Variants in C12orf42 observed in about 807,000 individuals in gnomAD.
C12orf42 encodes uncharacterized protein C12orf42.
In C12orf42, 25 loss-of-function variants were observed where a neutral mutation model predicts 21.6. That is an observed-to-expected ratio of 1.16 (90% CI 0.84 to 1.62). The LOEUF (loss-of-function observed/expected upper bound fraction) is 1.62, where lower values mean the gene tolerates loss of function less well. C12orf42 is among the 40% of genes most tolerant of loss of function. The probability of loss-of-function intolerance (pLI) is 0.00; values close to 1 mark genes in which losing one functional copy is unlikely to be tolerated. For missense variants in C12orf42, 483 were observed against 459.3 expected (o/e 1.05, Z -0.47); for synonymous variants, 174 against 175.0 (o/e 0.99, Z 0.05).
chr12:103,077,418 A>G, the C12orf42 span, among the ~76,000 whole-genome samples: 2 of 152,238 alleles, frequency 1.3e-5, no homozygotes, highest in Non-Finnish European at 2.9e-5. Context: ...ATTCTTCTAA[A>G]GACTTTATGC....
intron 4 of C12orf42, among the ~76,000 whole-genome samples, chr12:103,283,244 C>T (rs2036240961): frequency 6.6e-6 from 1 of 152,180 alleles, no homozygotes; most frequent in Non-Finnish European, 1.5e-5. Context: ...CCAGAGAACA[C>T]CAAAGTCAGT....
intron 2 of C12orf42, among the ~76,000 whole-genome samples, chr12:103,470,887 A>G (rs4506750): frequency 0.82 from 124,059 of 152,082 alleles, 50,714 homozygotes; most frequent in Admixed American, 0.87. Context: ...AGATCATTCC[A>G]GTCCCCAGCC....
the C12orf42 span, among the ~76,000 whole-genome samples, chr12:103,194,567 G>A: frequency 1.3e-5 from 2 of 151,928 alleles, no homozygotes; most frequent in African/African-American, 4.8e-5. Context: ...TTTCATTTAC[G>A]ATAGCATCAA....
At chr12:103,541,317 A>G in the C12orf42 span, among the ~76,000 whole-genome samples, 2 of 152,226 alleles carry the variant, frequency 1.3e-5, no homozygotes, top group Non-Finnish European at 2.9e-5. Flanking sequence ...AGTTGTCTTT[A>G]TCTCAAATTA....
the C12orf42 span, among the ~76,000 whole-genome samples, chr12:103,546,638 G>A: frequency 1.3e-5 from 2 of 152,170 alleles, no homozygotes; most frequent in East Asian, 1.9e-4. Context: ...AATGAAAGAC[G>A]TTGAAGCTTG....
the C12orf42 span, among the ~76,000 whole-genome samples, chr12:103,067,888 G>A: frequency 1.3e-5 from 2 of 152,158 alleles, no homozygotes; most frequent in Non-Finnish European, 2.9e-5. Context: ...CACAACAGAG[G>A]CAAGGAAAAG....
intron 5 of C12orf42, chr12:103,270,384 G>C (rs1215683539): frequency 6.7e-6 from 1 of 149,708 alleles, no homozygotes; most frequent in Non-Finnish European, 1.5e-5. Flanking sequence ...AAGGAAGGGA[G>C]GGAGGGAGGG....
chr12:103,164,450 C>T, the C12orf42 span: 1 of 455,862 alleles, frequency 2.2e-6, no homozygotes, highest in Non-Finnish European at 4.4e-6. Context: ...AAGTTCTGAG[C>T]AAATAGGTGC....
intron 3 of C12orf42, among the ~76,000 whole-genome samples, chr12:103,385,226 A>T (rs2046505570): frequency 6.6e-6 from 1 of 152,226 alleles, no homozygotes; most frequent in Non-Finnish European, 1.5e-5. Context: ...AAAAAGAAAT[A>T]TTCCATTTTA....
chr12:103,303,952 G>A (rs2038009752), intron 5 of C12orf42, among the ~76,000 whole-genome samples: 2 of 152,182 alleles, frequency 1.3e-5, no homozygotes, highest in African/African-American at 4.8e-5. Context: ...AGAGAACATT[G>A]ATGTAGCTTT....
chr12:103,428,949 G>C (rs796386626), intron 2 of C12orf42, among the ~76,000 whole-genome samples: 4 of 152,068 alleles, frequency 2.6e-5, no homozygotes, highest in African/African-American at 9.7e-5. Flanking sequence ...CAATAAACTA[G>C]GTATTGATGG....
the C12orf42 span, among the ~76,000 whole-genome samples, chr12:103,069,064 T>G: frequency 6.8e-6 from 1 of 147,176 alleles, no homozygotes; most frequent in African/African-American, 2.5e-5. Context: ...AAAAAGATAC[T>G]TTTTGTTCTC....
the C12orf42 span, among the ~76,000 whole-genome samples, chr12:103,085,476 A>C: frequency 1.3e-5 from 2 of 152,042 alleles, no homozygotes; most frequent in Non-Finnish European, 2.9e-5. Flanking sequence ...GAAAAGAAAG[A>C]TTTCAGAATG....
the C12orf42 span, among the ~76,000 whole-genome samples, chr12:103,554,938 A>G: frequency 6.6e-6 from 1 of 152,056 alleles, no homozygotes; most frequent in Non-Finnish European, 1.5e-5. Flanking sequence ...AATGTGAAAT[A>G]TCCTTAGGGG....
the C12orf42 span, among the ~76,000 whole-genome samples, chr12:103,212,532 C>T: frequency 6.6e-6 from 1 of 152,042 alleles, no homozygotes; most frequent in African/African-American, 2.4e-5. Flanking sequence ...GACTCAGGTT[C>T]AGATTTTGGG....
At chr12:103,506,559 AG>A in the C12orf42 span, among the ~76,000 whole-genome samples, 2 of 151,734 alleles carry the variant, frequency 1.3e-5, no homozygotes, top group Admixed American at 1.3e-4. Flanking sequence ...TATAGTATTC[AG>A]TATAGTAACA....
intron 1 of C12orf42, among the ~76,000 whole-genome samples, chr12:103,480,652 AT>A: frequency 6.6e-6 from 1 of 151,478 alleles, no homozygotes; most frequent in South Asian, 2.1e-4. Context: ...ATGCTTTTGA[AT>A]TTGCATTTTG....
chr12:103,140,416 C>T, the C12orf42 span, among the ~76,000 whole-genome samples: 200 of 152,262 alleles, frequency 1.3e-3, no homozygotes, highest in Middle Eastern at 0.014. Flanking sequence ...TTGGCTCTTA[C>T]GCTCTTTGAA....
intron 2 of C12orf42, among the ~76,000 whole-genome samples, chr12:103,410,063 G>T (rs1426417925): frequency 6.6e-6 from 1 of 152,096 alleles, no homozygotes; most frequent in Non-Finnish European, 1.5e-5. Flanking sequence ...AGAATCTGGG[G>T]CCCAGAATAC....
Sources: gnomAD v4.1 joint callset for allele counts (sites outside exome capture counted in the v4.1 genomes callset) on GRCh38, gnomAD v4.1.1 for gene constraint, MANE v1.5 for transcripts, NCBI Gene and HGNC (gene_info 2026-07-23, HGNC 2026-07-21) for gene names.